KLF6: variants seen among roughly 807,000 people sequenced by gnomAD.
KLF6 encodes KLF transcription factor 6.
For synonymous variants in KLF6, 152 were observed against 147.9 expected (o/e 1.03, Z -0.20); for missense variants, 233 against 359.8 (o/e 0.65, Z 2.85).
At position 3,780,053 on chromosome 10, in the gene KLF6, T is replaced by A; in HGVS notation, c.800+53A>T. On this transcript the variant is annotated intron_variant, in intron 3 of 3. Transcript: ENST00000497571. This position sits in a 1 kb window ranked among gnomAD's most constrained non-coding sequence, Gnocchi z 4.6. The stretch of plus-strand genomic sequence containing the variant: ...CTGCACACCTACTCAACCCTGGTCA[T>A]CACATTCCCAAGGCCCCACGCTCCT... 1 of 1,611,284 alleles carries A rather than the reference T, an allele frequency of 6.2e-7. No individual in the cohort carries two copies. The highest frequency in any genetic ancestry group is 8.5e-7 in the Non-Finnish European group (1 of 1,178,256).
rs1178632416 is a variant in KLF6, at chr10:3,777,144, T to A, written c.*2395A>T. On this transcript the variant is annotated 3_prime_UTR_variant, in exon 4 of 4. Transcript: ENST00000497571. Reference sequence around the variant, plus strand: ...TCAGCCCAGATAAAAAAAAAACCAGTTATGTGAGCGTTAGTCACTGCTCAT... The same window carrying A: ...TCAGCCCAGATAAAAAAAAAACCAGATATGTGAGCGTTAGTCACTGCTCAT... The A allele has an allele frequency of 3.9e-6, 2 of 509,026 alleles. No homozygotes were observed. Among genetic ancestry groups the A allele is most frequent in the Non-Finnish European group, 3.8e-6 (1 of 261,620 alleles). 31.5% of individuals were successfully genotyped at this position (509,026 alleles called of 1,614,324 possible).
Position 3,777,612 on chromosome 10 carries a change from T to C in KLF6, c.*1927A>G, listed in dbSNP as rs1254245530. 1.2e-5 allele frequency: 6 copies of C among 505,116 alleles called. No homozygotes were observed. Among genetic ancestry groups the C allele is most frequent in the Non-Finnish European group, 1.9e-5 (5 of 258,022 alleles). 31.3% of individuals were successfully genotyped at this position (505,116 alleles called of 1,614,324 possible). A position where few individuals can be genotyped will look rare whatever the true frequency, so the allele number is the denominator to read the frequency against. ...CCTCCGCACATCGTTAAATTAAAGA[T>C]AAAGCCTCTATAAAAGTTAGGTTAT... On this transcript the variant is annotated 3_prime_UTR_variant, in exon 4 of 4. Coordinates refer to ENST00000497571, the MANE Select transcript of KLF6 (RefSeq NM_001300.6).
chr10:3,783,772 G>A (rs1832585420), intron 1 of KLF6, among the ~76,000 whole-genome samples: 1 of 152,170 alleles, frequency 6.6e-6, no homozygotes, highest in South Asian at 2.1e-4. Context: ...TGAGCACCCG[G>A]GACCTGAACG....
Position 3,777,483 on chromosome 10 carries a change from G to A in KLF6, c.*2056C>T, listed in dbSNP as rs1434937820. On this transcript the variant is annotated 3_prime_UTR_variant, in exon 4 of 4. Coordinates refer to ENST00000497571, the MANE Select transcript of KLF6 (RefSeq NM_001300.6). ...GTGTCCGAGTCCAGCCTGGGTTCCA[G>A]CATTCTGTTCAGGCCACTTCTGAAC... The A allele has an allele frequency of 3.9e-6, 2 of 512,488 alleles. No individual in the cohort carries two copies. Among genetic ancestry groups the A allele is most frequent in the African/African-American group, 3.8e-5 (2 of 52,606 alleles). 31.7% of individuals were successfully genotyped at this position (512,488 alleles called of 1,614,324 possible).
rs1832526420 is a variant in KLF6, at chr10:3,781,756, T to A, written c.561A>T (p.Gly187=). ...TGCCGTCGGGGGAGGCATCGCCATT[T>A]CCCTTGTCACCTGGCTTCCCCGAAG... ...SGTSGKPGDK[G]NGDASPDGRR... The change falls in exon 2 of 4, where the codon GGA becomes GGT. Residue 187 remains glycine, a synonymous_variant. Transcript: ENST00000497571. This position sits in a 1 kb window ranked among gnomAD's most constrained non-coding sequence, Gnocchi z 5.8. 1 of 1,614,086 alleles carries A rather than the reference T, an allele frequency of 6.2e-7. No homozygotes were observed. Among genetic ancestry groups the A allele is most frequent in the African/African-American group, 1.3e-5 (1 of 74,930 alleles).
In KLF6 at chr10:3,777,720, T is replaced by C. The variant is rs1218602460; in HGVS notation, c.*1819A>G. ...AATTTTCTAGCTAAACATTCTAGTT[T>C]CTCCTTAAAAAAAATATTTATATAT... On this transcript the variant is annotated 3_prime_UTR_variant, in exon 4 of 4. Transcript: ENST00000497571. 5 of 365,634 alleles carry C rather than the reference T, an allele frequency of 1.4e-5. No homozygotes were observed. The highest frequency in any genetic ancestry group is 2.7e-5 in the Non-Finnish European group (5 of 188,636). 22.6% of individuals were successfully genotyped at this position (365,634 alleles called of 1,614,324 possible).
rs530370355 is a variant in KLF6, at chr10:3,783,527, A to ATCCCTC, written c.103-1319_103-1314dup. Among the ~76,000 whole-genome samples the ATCCCTC allele has an allele frequency of 1.5e-4, 23 of 152,198 alleles. No individual in the cohort carries two copies. The East Asian group carries it at 3.1e-3, about 20-fold the overall frequency. ...GTGTGCCTCTCTCCTGCCACAGGCA[A>ATCCCTC]TCCCTCCCCCTCCCCAGGCTCGCAC... On this transcript the variant is annotated intron_variant, in intron 1 of 3. Coordinates refer to ENST00000497571, the MANE Select transcript of KLF6 (RefSeq NM_001300.6).
chr10:3,778,707 G>C lies in KLF6; in HGVS notation c.*832C>G. ...TTGGATCTTAGCTGCTCATTAACTG[G>C]AATCAGTATTGCAGTCCTGACTTAA... On this transcript the variant is annotated 3_prime_UTR_variant, in exon 4 of 4. Transcript: ENST00000497571. The C allele has an allele frequency of 1.9e-6, 1 of 528,798 alleles. No individual in the cohort carries two copies. The highest frequency in any genetic ancestry group is 1.5e-5 in the South Asian group (1 of 65,108). The allele number at this position is 528,798 out of a possible 1,614,324, so 32.8% of individuals were successfully genotyped here. A position where few individuals can be genotyped will look rare whatever the true frequency, so the allele number is the denominator to read the frequency against.
At position 3,780,513 on chromosome 10, in the gene KLF6, T is replaced by A. The variant is rs945345177; in HGVS notation, c.677-284A>T. The A allele has an allele frequency of 3.9e-5, 19 of 483,806 alleles. No individual in the cohort carries two copies. Among genetic ancestry groups the A allele is most frequent in the Middle Eastern group, 1.2e-3 (2 of 1,738 alleles). The allele number at this position is 483,806 out of a possible 1,614,324, so 30.0% of individuals were successfully genotyped here. A position where few individuals can be genotyped will look rare whatever the true frequency, so the allele number is the denominator to read the frequency against. Reference sequence around the variant, plus strand: ...ACGACCACGACTCAGACCAGCAAAATGCTTGCGGGATGAGGTGTCAGCCTG... The same window carrying A: ...ACGACCACGACTCAGACCAGCAAAAAGCTTGCGGGATGAGGTGTCAGCCTG... On this transcript the variant is annotated intron_variant, in intron 2 of 3. Coordinates refer to ENST00000497571, the MANE Select transcript of KLF6 (RefSeq NM_001300.6). The surrounding 1 kb of genome is among the most constrained non-coding windows in gnomAD (Gnocchi z 4.6).
Position 3,785,125 on chromosome 10 carries a change from G to A in KLF6, c.-111C>T. The A allele has an allele frequency of 6.4e-7, 1 of 1,553,664 alleles. No individual in the cohort carries two copies. Among genetic ancestry groups the A allele is most frequent in the Non-Finnish European group, 8.7e-7 (1 of 1,151,274 alleles). On this transcript the variant is annotated 5_prime_UTR_variant, in exon 1 of 4. Transcript: ENST00000497571. ...AGGTGAAAGTTTCATGCAAACTCCA[G>A]GCTCGCAGAGACGCCCGGCCGGACC...
At chr10:3,779,658 G>T in intron 3 of KLF6, 68 bp from the exon 4 acceptor site, 2 of 1,426,480 alleles carry the variant, frequency 1.4e-6, no homozygotes, top group Non-Finnish European at 2.0e-6. Context: ...CTGGACCAGC[G>T]CCCTCACCTC....
rs1421227725 is a variant in KLF6, at chr10:3,778,009, A to AG, written c.*1529dup. On this transcript the variant is annotated 3_prime_UTR_variant, in exon 4 of 4. Coordinates refer to ENST00000497571, the MANE Select transcript of KLF6 (RefSeq NM_001300.6). Reference sequence around the variant, plus strand: ...GTGTGATCTATACAATTGTTGTGCAAGGTCTATATGAAAGTCTCAAGGTGG... The same window carrying AG: ...GTGTGATCTATACAATTGTTGTGCAAGGGTCTATATGAAAGTCTCAAGGTGG... The AG allele has an allele frequency of 2.0e-6, 1 of 506,580 alleles. No homozygotes were observed. The highest frequency in any genetic ancestry group is 2.3e-5 in the Admixed American group (1 of 44,032). 31.4% of individuals were successfully genotyped at this position (506,580 alleles called of 1,614,324 possible).
chr10:3,776,697 G>A lies in KLF6; in HGVS notation c.*2842C>T. The A allele has an allele frequency of 2.4e-6, 1 of 414,612 alleles. No individual in the cohort carries two copies. The allele number at this position is 414,612 out of a possible 1,614,324, so 25.7% of individuals were successfully genotyped here. A position where few individuals can be genotyped will look rare whatever the true frequency, so the allele number is the denominator to read the frequency against. The stretch of plus-strand genomic sequence containing the variant: ...ACAAAGATTCTTTAGATAACAGGGT[G>A]CTTCCAAAAAAAAAAAAAAAAGAAA... On this transcript the variant is annotated 3_prime_UTR_variant, in exon 4 of 4. Coordinates refer to ENST00000497571, the MANE Select transcript of KLF6 (RefSeq NM_001300.6).
chr10:3,784,838 C>A lies in KLF6; in HGVS notation c.102+75G>T. The A allele has an allele frequency of 4.2e-6, 6 of 1,415,304 alleles. No homozygotes were observed. The Middle Eastern group carries it at 1.3e-3, about 302-fold the overall frequency. The allele number at this position is 1,415,304 out of a possible 1,614,324, so 87.7% of individuals were successfully genotyped here. ...CAGGCCCAGCGGACCGCAGAGAGCA[C>A]CGGGTCTGAACCCCAAACAGCCGAC... On this transcript the variant is annotated intron_variant, in intron 1 of 3. Transcript: ENST00000497571.
Position 3,781,628 on chromosome 10 carries a change from C to T in KLF6, c.676+13G>A, listed in dbSNP as rs772378365. ...ACCAGCGGCCGCCCTCCGGGGCCCG[C>T]GTGGGCACTGACCTGTGTGCGTCCG... is the stretch of plus-strand genomic sequence containing the variant. On this transcript the variant is annotated intron_variant, in intron 2 of 3. Transcript: ENST00000497571. The surrounding 1 kb of genome is among the most constrained non-coding windows in gnomAD (Gnocchi z 5.8). The T allele has an allele frequency of 7.4e-6, 12 of 1,612,204 alleles. No homozygotes were observed. Among genetic ancestry groups the T allele is most frequent in the South Asian group, 3.3e-5 (3 of 90,926 alleles).
At position 3,779,604 on chromosome 10, in the gene KLF6, T is replaced by TCAGAAGCA; in HGVS notation, c.801-22_801-15dup. On this transcript the variant is annotated splice_polypyrimidine_tract_variant and intron_variant, in intron 3 of 3. Coordinates refer to ENST00000497571, the MANE Select transcript of KLF6 (RefSeq NM_001300.6). ...CTGGAAAAACACCTGCAAGGGCAAA[T>TCAGAAGCA]CAGAAGCACAGAAGAAGTTAGGTTC... is the stretch of plus-strand genomic sequence containing the variant. 1 of 1,613,654 alleles carries TCAGAAGCA rather than the reference T, an allele frequency of 6.2e-7. No homozygotes were observed. Among genetic ancestry groups the TCAGAAGCA allele is most frequent in the Non-Finnish European group, 8.5e-7 (1 of 1,179,616 alleles).
At position 3,778,829 on chromosome 10, in the gene KLF6, T is replaced by C. The variant is rs1191355186; in HGVS notation, c.*710A>G. 1 of 533,170 alleles carries C rather than the reference T, an allele frequency of 1.9e-6. No homozygotes were observed. Among genetic ancestry groups the C allele is most frequent in the Non-Finnish European group, 3.6e-6 (1 of 275,610 alleles). 33.0% of individuals were successfully genotyped at this position (533,170 alleles called of 1,614,324 possible). A position where few individuals can be genotyped will look rare whatever the true frequency, so the allele number is the denominator to read the frequency against. Reference sequence around the variant, plus strand: ...GTTATATTTGTAAATACACAGCTTATACAATGGGTTACAAATGAGCTATGT... The same window carrying C: ...GTTATATTTGTAAATACACAGCTTACACAATGGGTTACAAATGAGCTATGT... On this transcript the variant is annotated 3_prime_UTR_variant, in exon 4 of 4. Coordinates refer to ENST00000497571, the MANE Select transcript of KLF6 (RefSeq NM_001300.6).
chr10:3,780,543 A>G lies in KLF6; in HGVS notation c.677-314T>C. Reference sequence around the variant, plus strand: ...GCGGGATGAGGTGTCAGCCTGCCGGACCCACAGCCCCGGCAAAGGCAGAGC... The same window carrying G: ...GCGGGATGAGGTGTCAGCCTGCCGGGCCCACAGCCCCGGCAAAGGCAGAGC... On this transcript the variant is annotated intron_variant, in intron 2 of 3. Coordinates refer to ENST00000497571, the MANE Select transcript of KLF6 (RefSeq NM_001300.6). The surrounding 1 kb of genome is among the most constrained non-coding windows in gnomAD (Gnocchi z 4.6). 1 of 441,506 alleles carries G rather than the reference A, an allele frequency of 2.3e-6. No individual in the cohort carries two copies. Among genetic ancestry groups the G allele is most frequent in the Non-Finnish European group, 4.2e-6 (1 of 235,766 alleles). 27.3% of individuals were successfully genotyped at this position (441,506 alleles called of 1,614,324 possible). A position where few individuals can be genotyped will look rare whatever the true frequency, so the allele number is the denominator to read the frequency against.
At position 3,780,358 on chromosome 10, in the gene KLF6, CA is replaced by C; in HGVS notation, c.677-130del. 1 of 1,088,286 alleles carries C rather than the reference CA, an allele frequency of 9.2e-7. No homozygotes were observed. Among genetic ancestry groups the C allele is most frequent in the Non-Finnish European group, 1.4e-6 (1 of 716,540 alleles). 67.4% of individuals were successfully genotyped at this position (1,088,286 alleles called of 1,614,324 possible). ...CCAGTGGCTTCTGGCATCGGTAACA[CA>C]CAACAACTGGCAGCCTCAGAGAGAC... On this transcript the variant is annotated intron_variant, in intron 2 of 3. Transcript: ENST00000497571. The surrounding 1 kb of genome is among the most constrained non-coding windows in gnomAD (Gnocchi z 4.6).
Sources: allele counts gnomAD v4.1 joint callset (sites outside exome capture counted in the v4.1 genomes callset), GRCh38; gene constraint gnomAD v4.1.1; non-coding constraint Gnocchi (gnomAD v3.1); transcripts MANE v1.5; gene names NCBI Gene and HGNC (gene_info 2026-07-23, HGNC 2026-07-21).